The following ZBTB44 variants were observed in gnomAD, a reference collection of about 807,000 sequenced individuals.
ZBTB44 encodes zinc finger and BTB domain-containing protein 44.
ZBTB44 carries 15 observed loss-of-function variants against 54.0 expected under a neutral mutation model. That is an observed-to-expected ratio of 0.28 (90% confidence interval 0.19 to 0.43). The LOEUF is 0.43. ZBTB44 is among the 20% of genes least tolerant of loss of function. The pLI is 1.00. For synonymous variants in ZBTB44, 230 were observed against 250.1 expected (o/e 0.92, Z 0.76); for missense variants, 487 against 707.1 (o/e 0.69, Z 3.53).
At chr11:130,302,102 C>A (rs1942020821) in intron 1 of ZBTB44, among the ~76,000 whole-genome samples, 2 of 151,616 alleles carry the variant, frequency 1.3e-5, no homozygotes, top group African/African-American at 4.8e-5. Context: ...TTAATACTTA[C>A]ATAGTACCCA....
At chr11:130,294,741 T>C (rs539164076) in intron 1 of ZBTB44, among the ~76,000 whole-genome samples, 1 of 152,086 alleles carries the variant, frequency 6.6e-6, no homozygotes, top group African/African-American at 2.4e-5. Context: ...AATGGAACGG[T>C]AGGCAAAACA....
At chr11:130,259,205 C>T (rs537431138) in intron 2 of ZBTB44, among the ~76,000 whole-genome samples, 4 of 152,046 alleles carry the variant, frequency 2.6e-5, no homozygotes, top group East Asian at 1.9e-4. Context: ...ACTTTCTTCA[C>T]GGAATTGGAA....
intron 2 of ZBTB44, among the ~76,000 whole-genome samples, chr11:130,241,052 C>T (rs746825407): frequency 6.6e-6 from 1 of 152,120 alleles, no homozygotes; most frequent in Non-Finnish European, 1.5e-5. Context: ...GTGGACTCAT[C>T]GTTTTTACGT....
At chr11:130,277,445 A>C (rs1397954628) in intron 1 of ZBTB44, among the ~76,000 whole-genome samples, 1 of 151,722 alleles carries the variant, frequency 6.6e-6, no homozygotes, top group African/African-American at 2.4e-5. Context: ...CATGATTACA[A>C]ACACAATATG....
intron 2 of ZBTB44, among the ~76,000 whole-genome samples, chr11:130,249,091 G>A (rs968628718): frequency 2.0e-5 from 3 of 152,146 alleles, no homozygotes; most frequent in Non-Finnish European, 4.4e-5. Context: ...GTGACAGAGT[G>A]AGACTCAGTC....
intron 1 of ZBTB44, among the ~76,000 whole-genome samples, chr11:130,269,508 C>T (rs547223912): frequency 2.6e-5 from 4 of 152,266 alleles, no homozygotes; most frequent in African/African-American, 9.6e-5. Flanking sequence ...TTACTTCCCA[C>T]CCATTTTATT....
chr11:130,248,960 T>C (rs502975), intron 2 of ZBTB44, among the ~76,000 whole-genome samples: 94,741 of 151,580 alleles, frequency 0.63, 31,104 homozygotes, highest in Admixed American at 0.72. Flanking sequence ...AAATATTAGC[T>C]GGGTGTGGTG....
intron 1 of ZBTB44, among the ~76,000 whole-genome samples, chr11:130,283,034 CCTT>C (rs1402362477): frequency 6.9e-6 from 1 of 144,590 alleles, no homozygotes; most frequent in African/African-American, 2.6e-5. Flanking sequence ...GCCATTCTAA[CCTT>C]TTTTTTTTTT....
intron 1 of ZBTB44, among the ~76,000 whole-genome samples, chr11:130,312,908 T>C (rs1942704766): frequency 1.3e-5 from 2 of 152,204 alleles, no homozygotes; most frequent in South Asian, 2.1e-4. Context: ...GATTACAGTG[T>C]TTGCAGCTTA....
At chr11:130,302,547 G>A (rs1942041643) in intron 1 of ZBTB44, among the ~76,000 whole-genome samples, 1 of 152,118 alleles carries the variant, frequency 6.6e-6, no homozygotes, top group Non-Finnish European at 1.5e-5. Context: ...AATGAGCAGT[G>A]GGAAGGTCCA....
At chr11:130,290,573 A>G (rs182993985) in intron 1 of ZBTB44, among the ~76,000 whole-genome samples, 1 of 152,110 alleles carries the variant, frequency 6.6e-6, no homozygotes, top group African/African-American at 2.4e-5. Context: ...CCTTGCCTTC[A>G]GTCTCACCGG....
intron 3 of ZBTB44, 157 bp downstream of exon 3, chr11:130,239,655 A>G: frequency 3.6e-6 from 2 of 554,406 alleles, no homozygotes; most frequent in South Asian, 4.5e-5. Context: ...TTGTATAGGT[A>G]CTCTAATTTA....
intron 1 of ZBTB44, among the ~76,000 whole-genome samples, chr11:130,287,160 T>G (rs1245663549): frequency 2.6e-5 from 4 of 152,220 alleles, no homozygotes; most frequent in African/African-American, 4.8e-5. Context: ...CACCTTCAAT[T>G]GCTCAGTCAC....
chr11:130,302,051 CAAA>C (rs35397908), intron 1 of ZBTB44, among the ~76,000 whole-genome samples: 3,668 of 87,666 alleles, frequency 0.042, 154 homozygotes, highest in African/African-American at 0.12. Context: ...GACCCTGTCT[CAAA>C]AAAAAAAAAA....
In ZBTB44 at chr11:130,228,071, A is replaced by G. The variant is rs1435082790; in HGVS notation, c.*3693T>C. On this transcript the variant is annotated 3_prime_UTR_variant, in exon 8 of 8. Transcript: ENST00000357899. Reference sequence around the variant, plus strand: ...AAGATAGTAGAGGCACAAAGAAGCCATATACTATCCTCCAAGTTGGACATA... The same window carrying G: ...AAGATAGTAGAGGCACAAAGAAGCCGTATACTATCCTCCAAGTTGGACATA... The G allele has an allele frequency of 6.6e-6, 1 of 152,256 alleles. No homozygotes were observed. Among genetic ancestry groups the G allele is most frequent in the African/African-American group, 2.4e-5 (1 of 41,478 alleles). 9.4% of individuals were successfully genotyped at this position (152,256 alleles called of 1,614,324 possible).
At position 130,229,706 on chromosome 11, in the gene ZBTB44, CAGAAA is replaced by C. The variant is rs1373545825; in HGVS notation, c.*2053_*2057del. The C allele has an allele frequency of 7.9e-5, 12 of 152,112 alleles. No homozygotes were observed. The highest frequency in any genetic ancestry group is 2.4e-4 in the African/African-American group (10 of 41,440). The allele number at this position is 152,112 out of a possible 1,614,324, so 9.4% of individuals were successfully genotyped here. On this transcript the variant is annotated 3_prime_UTR_variant, in exon 8 of 8. Transcript: ENST00000357899. ...TTACCCCAATTTTGTTTCACTGCTT[CAGAAA>C]AGAAAATTTAGCTTTTATACATTCA...
chr11:130,235,329 T>G (rs927897890), intron 5 of ZBTB44, among the ~76,000 whole-genome samples: 1 of 152,198 alleles, frequency 6.6e-6, no homozygotes, highest in Non-Finnish European at 1.5e-5. Context: ...ACATGAGTAG[T>G]TAACAGGAAC....
At position 130,300,093 on chromosome 11, in the gene ZBTB44, T is replaced by C. The variant is rs560486301; in HGVS notation, c.-57+14282A>G. On this transcript the variant is annotated intron_variant, in intron 1 of 7. Transcript: ENST00000357899. The stretch of plus-strand genomic sequence containing the variant: ...ATACCATATGATTCCGATTACACGA[T>C]GTACTTAGAGGACACTCAAATTCAG... 5.3e-5 allele frequency among the ~76,000 whole-genome samples: 8 copies of C among 152,308 alleles called. No individual in the cohort carries two copies. In the East Asian group the frequency reaches 9.6e-4, roughly 18 times the overall value.
rs1028585105 is a variant in ZBTB44 at position 130,239,879 on chromosome 11, C to T, written c.1036G>A (p.Val346Ile). The T allele has an allele frequency of 5.0e-6, 8 of 1,611,122 alleles. No individual in the cohort carries two copies. In the East Asian group the frequency reaches 6.7e-5, roughly 13 times the overall value. ...TGAAGTGTAGGCAAGCCCTCAGAAA[C>T]GCCTTCATCTACTGAGCCTGTGAAT... is the stretch of plus-strand genomic sequence containing the variant. ...SSSIGSVDEG[V>I]SEGLPTLQST... is the part of the protein sequence containing the mutation. The change falls in exon 3 of 8, where the codon GTT becomes ATT. Residue 346 changes from valine to isoleucine, a missense_variant. By Grantham distance (29) the Val-to-Ile change is conservative. This residue lies in a region of ZBTB44 where 277 missense variants were observed against 306.5 expected (regional missense o/e 0.90). Coordinates refer to ENST00000357899, the MANE Select transcript of ZBTB44 (RefSeq NM_001301098.2).
Sources: allele counts gnomAD v4.1 joint callset (sites outside exome capture counted in the v4.1 genomes callset), GRCh38; gene constraint gnomAD v4.1.1; regional missense constraint gnomAD v4.1.1; transcripts MANE v1.5; gene names NCBI Gene and HGNC (gene_info 2026-07-23, HGNC 2026-07-21).